The following MLX variants were observed in gnomAD, a reference collection of about 807,000 sequenced individuals.
MLX encodes the protein max-like protein X.
A neutral mutation model predicts 33.0 loss-of-function variants in MLX; 15 were observed. The observed-to-expected ratio is 0.45, with a 90% CI of 0.30 to 0.70. The LOEUF is 0.70. Ranked by LOEUF, MLX falls within the 30% of genes least tolerant of loss-of-function variation. The pLI is 0.07. For missense variants in MLX, 285 were observed against 306.3 expected (o/e 0.93, Z 0.52); for synonymous variants, 115 against 115.6 (o/e 0.99, Z 0.03).
intron 2 of MLX, chr17:42,568,132 C>G (rs1304863645): frequency 5.2e-6 from 1 of 193,752 alleles, no homozygotes; most frequent in African/African-American, 2.4e-5. Context: ...GAGGCCGAGG[C>G]AGGCGGATCA....
chr17:42,573,033 CAG>C lies in MLX; in HGVS notation c.*1431_*1432del, dbSNP rs1439097629. On this transcript the variant is annotated 3_prime_UTR_variant, in exon 8 of 8. Transcript: ENST00000435881. The stretch of plus-strand genomic sequence containing the variant: ...TCTATCCCAACTTCCTCCTGTGAGA[CAG>C]GGAGACAAGTGAATGAGATGTCACC... 9.9e-6 allele frequency: 16 copies of C among 1,614,216 alleles called. No individual in the cohort carries two copies. Among genetic ancestry groups the C allele is most frequent in the Non-Finnish European group, 1.4e-5 (16 of 1,180,036 alleles).
At chr17:42,569,811 GGAGA>G (rs1188897181) in intron 6 of MLX, 167 bp from the exon 7 acceptor site, 6 of 726,950 alleles carry the variant, frequency 8.3e-6, no homozygotes. Flanking sequence ...AAGGAAGGTT[GGAGA>G]GAGAGGGCCA....
chr17:42,572,100 G>A lies in MLX; in HGVS notation c.*497G>A, dbSNP rs978851070. On this transcript the variant is annotated 3_prime_UTR_variant, in exon 8 of 8. Transcript: ENST00000435881. ...GGAAATATTCCCACAGCCATGAAGG[G>A]TGAAAGGGCACCTTGTGCCTAGACT... is the stretch of plus-strand genomic sequence containing the variant. The A allele has an allele frequency of 7.1e-6, 2 of 281,162 alleles. No individual in the cohort carries two copies. Among genetic ancestry groups the A allele is most frequent in the South Asian group, 3.4e-5 (1 of 29,680 alleles). The allele number at this position is 281,162 out of a possible 1,614,324, so 17.4% of individuals were successfully genotyped here.
intron 3 of MLX, 27 bp from the exon 4 acceptor site, chr17:42,568,810 T>C (rs531050419): frequency 1.5e-5 from 24 of 1,572,220 alleles, no homozygotes; most frequent in South Asian, 1.4e-4. Flanking sequence ...CAAGATGACC[T>C]TTCCCTGCCC....
At chr17:42,569,884 G>A in intron 6 of MLX, 98 bp from the exon 7 acceptor site, 2 of 1,191,458 alleles carry the variant, frequency 1.7e-6, no homozygotes, top group Admixed American at 3.6e-5. Context: ...GAAGCTCTCT[G>A]GGGCTGCCAT....
chr17:42,567,140 G>A lies in MLX; in HGVS notation c.16G>A (p.Ala6Thr), dbSNP rs929144048. The part of the protein sequence containing the change: MTEPG[A>T]SPEDPWVKVE... ...TGGGTACAAGATGACGGAGCCGGGC[G>A]CCTCTCCCGAGGACCCTTGGGTCAA... Residue 6 changes from alanine (A) to threonine (T), a missense_variant, in exon 1 of 8, where the codon GCC becomes ACC. By Grantham distance (58) the Ala-to-Thr change is moderately conservative (BLOSUM62 0). Transcript: ENST00000435881. 1 of 1,261,200 alleles carries A rather than the reference G, an allele frequency of 7.9e-7. No individual in the cohort carries two copies. The highest frequency in any genetic ancestry group is 1.0e-6 in the Non-Finnish European group (1 of 1,003,374). The allele number at this position is 1,261,200 out of a possible 1,614,324, so 78.1% of individuals were successfully genotyped here.
At position 42,568,839 on chromosome 17, in the gene MLX, G is replaced by A; in HGVS notation, c.172G>A (p.Asp58Asn). The part of the protein sequence containing the change: ...TSASSVPNTD[D>N]EDSDYHQEAY... Reference sequence around the variant, plus strand: ...CCTGCCCCCATCTCTGAGCGTAGATGATGAGGACAGTGATTACCACCAGGA... The same window carrying A: ...CCTGCCCCCATCTCTGAGCGTAGATAATGAGGACAGTGATTACCACCAGGA... The change falls in exon 4 of 8, where the codon GAT (aspartate) becomes AAT (asparagine). Residue 58 changes from aspartate to asparagine, a missense_variant and splice_region_variant. Asp to Asn is a conservative substitution (Grantham distance 23, BLOSUM62 1). Coordinates refer to ENST00000435881, the MANE Select transcript of MLX (RefSeq NM_198204.2). The A allele has an allele frequency of 6.2e-7, 1 of 1,606,372 alleles. No homozygotes were observed. The highest frequency in any genetic ancestry group is 1.1e-5 in the South Asian group (1 of 89,904).
intron 4 of MLX, 57 bp from the exon 5 acceptor site, chr17:42,569,147 C>T: frequency 1.3e-6 from 2 of 1,520,220 alleles, no homozygotes; most frequent in Non-Finnish European, 1.8e-6. Flanking sequence ...GAACTTTGTG[C>T]CATTTTGCTT....
In MLX at chr17:42,567,520, TC is replaced by T; in HGVS notation, c.43-96del. 6.9e-6 allele frequency: 11 copies of T among 1,587,430 alleles called. No individual in the cohort carries two copies. The South Asian group carries it at 8.9e-5, about 13-fold the overall frequency. ...AGCGCGCAGGGTGACAGAGGCGCCT[TC>T]CCGGAATGGGGGGCGCGCTGTGCGT... On this transcript the variant is annotated intron_variant, in intron 1 of 7. Transcript: ENST00000435881.
At chr17:42,571,141 T>C (rs1482210639) in intron 7 of MLX, among the ~76,000 whole-genome samples, 6 of 149,596 alleles carry the variant, frequency 4.0e-5, no homozygotes, top group Admixed American at 6.6e-5. Context: ...CTGGGGGCTT[T>C]TTTTTTTTTT....
At position 42,571,846 on chromosome 17, in the gene MLX, C is replaced by A. The variant is rs529047323; in HGVS notation, c.*243C>A. ...ACTCAAACCTACCCAGCCTTCCCCC[C>A]ACTCCATGGAAGTCCTTGGGATGGG... On this transcript the variant is annotated 3_prime_UTR_variant, in exon 8 of 8. Coordinates refer to ENST00000435881, the MANE Select transcript of MLX (RefSeq NM_198204.2). 4.3e-4 allele frequency: 231 copies of A among 532,140 alleles called. 3 individuals carry two copies. Among genetic ancestry groups the A allele is most frequent in the South Asian group, 4.0e-3 (195 of 48,530 alleles). The allele number at this position is 532,140 out of a possible 1,614,324, so 33.0% of individuals were successfully genotyped here.
At chr17:42,568,167 C>T (rs1013614454) in intron 2 of MLX, 40 of 202,290 alleles carry the variant, frequency 2.0e-4, no homozygotes, top group African/African-American at 8.9e-4. Flanking sequence ...CGAGACCATC[C>T]TGGCTAACAC....
In MLX at chr17:42,571,667, A is replaced by G; in HGVS notation, c.*64A>G. 1.3e-6 allele frequency: 2 copies of G among 1,495,748 alleles called. No homozygotes were observed. The highest frequency in any genetic ancestry group is 1.1e-5 in the South Asian group (1 of 88,670). 92.7% of individuals were successfully genotyped at this position (1,495,748 alleles called of 1,614,324 possible). A position where few individuals can be genotyped will look rare whatever the true frequency, so the allele number is the denominator to read the frequency against. On this transcript the variant is annotated 3_prime_UTR_variant, in exon 8 of 8. Transcript: ENST00000435881. Reference sequence around the variant, plus strand: ...CCTTGAATCTCTACGTGGCCACTGAACTGCTGGGCCCGGGAGACTGGACTA... The same window carrying G: ...CCTTGAATCTCTACGTGGCCACTGAGCTGCTGGGCCCGGGAGACTGGACTA...
Position 42,570,198 on chromosome 17 carries a change from T to C in MLX, c.678+15T>C, listed in dbSNP as rs917453645. 3 of 1,612,574 alleles carry C rather than the reference T, an allele frequency of 1.9e-6. No homozygotes were observed. Among genetic ancestry groups the C allele is most frequent in the Non-Finnish European group, 2.5e-6 (3 of 1,179,588 alleles). On this transcript the variant is annotated intron_variant, in intron 7 of 7. Coordinates refer to ENST00000435881, the MANE Select transcript of MLX (RefSeq NM_198204.2). ...GTAAGCCTCAGGTATGGGGCAACAA[T>C]AGGCACAGGGTCTGCGGTTTTCTCT...
chr17:42,571,909 C>T lies in MLX; in HGVS notation c.*306C>T. 1 of 391,344 alleles carries T rather than the reference C, an allele frequency of 2.6e-6. No individual in the cohort carries two copies. The highest frequency in any genetic ancestry group is 4.7e-6 in the Non-Finnish European group (1 of 212,976). 24.2% of individuals were successfully genotyped at this position (391,344 alleles called of 1,614,324 possible). On this transcript the variant is annotated 3_prime_UTR_variant, in exon 8 of 8. Coordinates refer to ENST00000435881, the MANE Select transcript of MLX (RefSeq NM_198204.2). Reference sequence around the variant, plus strand: ...ACACCCCAAAGAGCTCCTGCCCTCTCAGCCCTTTATTCAAGCCTCAGATTT... The same window carrying T: ...ACACCCCAAAGAGCTCCTGCCCTCTTAGCCCTTTATTCAAGCCTCAGATTT...
intron 2 of MLX, 128 bp from the exon 3 acceptor site, chr17:42,568,342 G>A (rs530062876): frequency 2.1e-5 from 12 of 582,466 alleles, no homozygotes; most frequent in African/African-American, 1.4e-4. Flanking sequence ...TAGCCTGGGC[G>A]ACTGAGCGAG....
At chr17:42,571,500 G>C (rs1192275300) in intron 7 of MLX, 47 bp from the exon 8 acceptor site, 7 of 1,597,498 alleles carry the variant, frequency 4.4e-6, no homozygotes, top group Non-Finnish European at 5.2e-6. Flanking sequence ...AAACTACTCT[G>C]CGTTGACTTG....
At position 42,567,601 on chromosome 17, in the gene MLX, C is replaced by T; in HGVS notation, c.43-18C>T. The T allele has an allele frequency of 6.2e-7, 1 of 1,613,968 alleles. No homozygotes were observed. Among genetic ancestry groups the T allele is most frequent in the East Asian group, 2.2e-5 (1 of 44,872 alleles). On this transcript the variant is annotated intron_variant, in intron 1 of 7. Coordinates refer to ENST00000435881, the MANE Select transcript of MLX (RefSeq NM_198204.2). ...GGGGCGGAGGTCTGACGGGCCCTTC[C>T]CGTGCTCTGTGCCGCAGGTGGAGTA... is the stretch of plus-strand genomic sequence containing the variant.
chr17:42,570,062 A>G lies in MLX; in HGVS notation c.557A>G (p.Asn186Ser), dbSNP rs143736694. The G allele has an allele frequency of 1.1e-5, 18 of 1,614,172 alleles. No homozygotes were observed. Among genetic ancestry groups the G allele is most frequent in the South Asian group, 1.1e-4 (10 of 91,080 alleles). Reference protein sequence around the residue: ...EDQVSDQVKFNVFQGIMDSLF... With the variant: ...EDQVSDQVKFSVFQGIMDSLF... ...CAGGTCTCTGACCAGGTCAAGTTCA[A>G]CGTGTTTCAAGGCATCATGGATTCC... is the stretch of plus-strand genomic sequence containing the variant. The change falls in exon 7 of 8, where the codon AAC becomes AGC. Residue 186 changes from asparagine (N) to serine (S), a missense_variant. Asn to Ser is a conservative substitution (Grantham distance 46). Transcript: ENST00000435881.
Sources: allele counts gnomAD v4.1 joint callset (sites outside exome capture counted in the v4.1 genomes callset), GRCh38; gene constraint gnomAD v4.1.1; transcripts MANE v1.5; gene names NCBI Gene and HGNC (gene_info 2026-07-23, HGNC 2026-07-21).